ATG10: variants seen among roughly 807,000 people sequenced by gnomAD.
ATG10 encodes ubiquitin-like-conjugating enzyme ATG10.
ATG10 carries 30 observed loss-of-function variants against 32.1 expected under a neutral mutation model. The ratio of observed to expected loss-of-function variants is 0.94; its 90% CI spans 0.70 to 1.27. The LOEUF is 1.27. Ranked by LOEUF, ATG10 falls within the 50% of genes most tolerant of loss-of-function variation. The pLI, the probability that ATG10 is intolerant of heterozygous loss-of-function variation, is 0.00. For missense variants in ATG10, 233 were observed against 262.3 expected (o/e 0.89, Z 0.77); for synonymous variants, 87 against 91.5 (o/e 0.95, Z 0.28).
At chr5:82,155,529 G>T (rs1351921401) in intron 3 of ATG10, among the ~76,000 whole-genome samples, 1 of 152,170 alleles carries the variant, frequency 6.6e-6, no homozygotes, top group East Asian at 1.9e-4. Flanking sequence ...CTTTCAGGCT[G>T]CAGCTGCAGA....
rs1392682106 is a variant in ATG10 at position 82,122,247 on chromosome 5, AAAAC to A, written c.217-42149_217-42146del. Among the ~76,000 whole-genome samples the A allele has an allele frequency of 5.9e-5, 9 of 152,204 alleles. No individual in the cohort carries two copies. The East Asian group carries it at 1.7e-3, about 29-fold the overall frequency. On this transcript the variant is annotated intron_variant, in intron 3 of 7. Coordinates refer to ENST00000282185, the MANE Select transcript of ATG10 (RefSeq NM_031482.5). ...TATATGATCTTTGACAAAGCTGACA[AAAAC>A]AAGCAATGGGGAAAAGACTCCCTAT...
intron 5 of ATG10, among the ~76,000 whole-genome samples, chr5:82,222,282 A>G: frequency 6.6e-6 from 1 of 152,234 alleles, no homozygotes; most frequent in East Asian, 1.9e-4. Context: ...GCCTGGATCA[A>G]CTGTTGGCTT....
intron 2 of ATG10, among the ~76,000 whole-genome samples, chr5:81,998,515 A>G (rs561639231): frequency 6.6e-6 from 1 of 152,320 alleles, no homozygotes; most frequent in South Asian, 2.1e-4. Context: ...ACATGATAAC[A>G]TTGATCAAAT....
At chr5:82,174,539 A>G (rs775192655) in intron 4 of ATG10, among the ~76,000 whole-genome samples, 24 of 152,194 alleles carry the variant, frequency 1.6e-4, no homozygotes, top group Non-Finnish European at 2.9e-4. Context: ...AAGCAAATAT[A>G]TGGAATAAAA....
At chr5:82,048,349 A>G (rs1462047951) in intron 2 of ATG10, among the ~76,000 whole-genome samples, 1 of 147,844 alleles carries the variant, frequency 6.8e-6, no homozygotes, top group Non-Finnish European at 1.5e-5. Context: ...CCTACCCATG[A>G]GCATGGAATG....
intron 3 of ATG10, among the ~76,000 whole-genome samples, chr5:82,135,648 C>T (rs990178897): frequency 8.6e-5 from 13 of 152,000 alleles, no homozygotes; most frequent in African/African-American, 1.5e-4. Context: ...GTTATGTGGT[C>T]GATTTTAGGA....
intron 2 of ATG10, among the ~76,000 whole-genome samples, chr5:82,044,122 C>G (rs1362333656): frequency 6.6e-6 from 1 of 152,070 alleles, no homozygotes; most frequent in African/African-American, 2.4e-5. Context: ...TCACAGTTTG[C>G]AGGCTTACCA....
intron 3 of ATG10, among the ~76,000 whole-genome samples, chr5:82,063,647 C>T (rs973823319): frequency 1.3e-5 from 2 of 152,114 alleles, no homozygotes; most frequent in Non-Finnish European, 2.9e-5. Flanking sequence ...CACCCATCAT[C>T]ATGCCTGGCT....
chr5:82,080,610 T>C (rs1299328976), intron 3 of ATG10, among the ~76,000 whole-genome samples: 1 of 152,244 alleles, frequency 6.6e-6, no homozygotes, highest in Non-Finnish European at 1.5e-5. Flanking sequence ...CACCATTTAT[T>C]AAATAGGAAA....
At chr5:82,038,076 T>C (rs896693123) in intron 2 of ATG10, among the ~76,000 whole-genome samples, 5 of 152,234 alleles carry the variant, frequency 3.3e-5, no homozygotes, top group Admixed American at 6.5e-5. Flanking sequence ...AGATAAAGAT[T>C]GTCTTAGCCT....
intron 2 of ATG10, among the ~76,000 whole-genome samples, chr5:82,014,528 A>G (rs542847583): frequency 6.6e-6 from 1 of 152,118 alleles, no homozygotes; most frequent in Non-Finnish European, 1.5e-5. Context: ...TTGGGTGCCT[A>G]TATATTTAGG....
chr5:82,079,067 T>C (rs1764377844), intron 3 of ATG10, among the ~76,000 whole-genome samples: 3 of 152,198 alleles, frequency 2.0e-5, no homozygotes, highest in African/African-American at 7.2e-5. Context: ...CTAGTCTGAG[T>C]CTCCATGTGT....
chr5:81,995,895 A>T (rs2149678305), intron 2 of ATG10, among the ~76,000 whole-genome samples: 1 of 152,324 alleles, frequency 6.6e-6, no homozygotes, highest in East Asian at 1.9e-4. Flanking sequence ...TTATTTCTGG[A>T]GATAATTTGT....
chr5:82,213,885 C>T (rs1451840230), intron 5 of ATG10, among the ~76,000 whole-genome samples: 1 of 152,214 alleles, frequency 6.6e-6, no homozygotes. Context: ...TATTATCTCT[C>T]TTTTGTTGAT....
intron 3 of ATG10, among the ~76,000 whole-genome samples, chr5:82,123,813 G>T (rs1305064385): frequency 6.6e-6 from 1 of 150,410 alleles, no homozygotes; most frequent in African/African-American, 2.4e-5. Flanking sequence ...GTGTAAGCCT[G>T]TTGTCTCAGC....
chr5:81,979,035 G>A (rs1477893893), intron 1 of ATG10, among the ~76,000 whole-genome samples: 1 of 152,026 alleles, frequency 6.6e-6, no homozygotes, highest in Admixed American at 6.6e-5. Context: ...GAGTAGCTGG[G>A]ACTACAGGTG....
intron 3 of ATG10, among the ~76,000 whole-genome samples, chr5:82,163,454 T>A (rs1743447278): frequency 6.6e-6 from 1 of 152,224 alleles, no homozygotes; most frequent in Non-Finnish European, 1.5e-5. Context: ...GAAACCTTAT[T>A]TCATATTGAT....
At chr5:82,154,874 A>G (rs1185439993) in intron 3 of ATG10, among the ~76,000 whole-genome samples, 1 of 152,194 alleles carries the variant, frequency 6.6e-6, no homozygotes, top group Non-Finnish European at 1.5e-5. Flanking sequence ...ATCCAGAGAC[A>G]GTTTTGAGCA....
intron 3 of ATG10, among the ~76,000 whole-genome samples, chr5:82,093,849 G>A (rs1007204525): frequency 6.6e-6 from 1 of 152,162 alleles, no homozygotes; most frequent in Admixed American, 6.6e-5. Context: ...GCAGCCATTA[G>A]TCTAGGGGTT....
Sources: allele counts gnomAD v4.1 joint callset (sites outside exome capture counted in the v4.1 genomes callset), GRCh38; gene constraint gnomAD v4.1.1; transcripts MANE v1.5; gene names NCBI Gene and HGNC (gene_info 2026-07-23, HGNC 2026-07-21).